Variants in COL4A2 observed in about 807,000 individuals in gnomAD.
COL4A2 encodes collagen alpha-2(IV) chain.
A neutral mutation model predicts 200.2 loss-of-function variants in COL4A2; 99 were observed. The observed-to-expected ratio is 0.49, with a 90% confidence interval of 0.42 to 0.58. The LOEUF is 0.58. Ranked by LOEUF, COL4A2 falls within the 20% of genes least tolerant of loss-of-function variation. The pLI is 0.00. For synonymous variants in COL4A2, 897 were observed against 900.6 expected, an observed-to-expected ratio of 1.00 and a Z score of 0.07; for missense variants, 1,950 against 2,314.1, an observed-to-expected ratio of 0.84 and a Z score of 3.23.
At position 110,440,091 on chromosome 13, in the gene COL4A2, T is replaced by C. The variant is rs181100758; in HGVS notation, c.957+258T>C. 7.1e-3 allele frequency among the ~76,000 whole-genome samples: 1,074 copies of C among 152,232 alleles called. 6 individuals carry two copies. Among genetic ancestry groups the C allele is most frequent in the African/African-American group, 0.022 (921 of 41,520 alleles). ...CGTCACTCGACCCCACCAGCCATGG[T>C]TTCTATATCGTCCAACCTCACACCC... On this transcript the variant is annotated intron_variant, in intron 16 of 47. Transcript: ENST00000360467.
At chr13:110,471,877 C>T (rs960971990) in intron 28 of COL4A2, among the ~76,000 whole-genome samples, 22 of 152,170 alleles carry the variant, frequency 1.4e-4, no homozygotes, top group African/African-American at 2.9e-4. Flanking sequence ...CCAGTCTCAT[C>T]GTTGCAGGCT....
chr13:110,470,861 G>T (rs1036207143), intron 28 of COL4A2, among the ~76,000 whole-genome samples: 1 of 152,188 alleles, frequency 6.6e-6, no homozygotes, highest in African/African-American at 2.4e-5. Context: ...AGCCCGTAGG[G>T]ATTGTTCCAA....
At chr13:110,360,643 T>TAATC (rs1398017670) in intron 4 of COL4A2, among the ~76,000 whole-genome samples, 1 of 152,244 alleles carries the variant, frequency 6.6e-6, no homozygotes. Context: ...ACCTTCTGGT[T>TAATC]AATCTGATTA....
intron 22 of COL4A2, among the ~76,000 whole-genome samples, chr13:110,460,784 G>C (rs963583690): frequency 2.0e-5 from 3 of 152,176 alleles, no homozygotes; most frequent in Admixed American, 2.0e-4. Context: ...CAGGGCGCTT[G>C]AAGTGTGGGA....
At chr13:110,339,555 C>A (rs1002153394) in intron 3 of COL4A2, among the ~76,000 whole-genome samples, 1 of 152,126 alleles carries the variant, frequency 6.6e-6, no homozygotes, top group Non-Finnish European at 1.5e-5. Flanking sequence ...CAGCACAGCC[C>A]CTTTCTCTAC....
chr13:110,371,995 C>A (rs77104783), intron 4 of COL4A2, among the ~76,000 whole-genome samples: 8,382 of 152,084 alleles, frequency 0.055, 323 homozygotes, highest in Non-Finnish European at 0.087. Context: ...CACATTTGCA[C>A]CCTGAGGAGC....
At chr13:110,390,552 C>G (rs1174753125) in intron 4 of COL4A2, among the ~76,000 whole-genome samples, 2 of 152,216 alleles carry the variant, frequency 1.3e-5, no homozygotes, top group Non-Finnish European at 2.9e-5. Flanking sequence ...AACTGACACC[C>G]CATTAAACCA....
intron 3 of COL4A2, among the ~76,000 whole-genome samples, chr13:110,318,371 A>G (rs1324362989): frequency 6.6e-6 from 1 of 152,170 alleles, no homozygotes; most frequent in African/African-American, 2.4e-5. Flanking sequence ...TAAATATGTC[A>G]TCTAGGATTA....
chr13:110,428,381 G>A, intron 6 of COL4A2, 86 bp from the exon 7 acceptor site: 1 of 770,012 alleles, frequency 1.3e-6, no homozygotes, highest in East Asian at 2.9e-5. Context: ...CATGGCTTAT[G>A]AGAATATAAG....
In COL4A2 at chr13:110,505,210, C is replaced by G. The variant is rs575885681; in HGVS notation, c.4402+946C>G. On this transcript the variant is annotated intron_variant, in intron 45 of 47. Coordinates refer to ENST00000360467, the MANE Select transcript of COL4A2 (RefSeq NM_001846.4). ...CTAAAAATACAAAAAATTAGCCGGG[C>G]GTGGTGGCGGGCGCCAGTAGTCCCA... 1.5e-3 allele frequency among the ~76,000 whole-genome samples: 231 copies of G among 151,960 alleles called. 1 individual carries two copies. In the Middle Eastern group the frequency reaches 0.034, roughly 23 times the overall value.
At chr13:110,391,778 C>T (rs1279229084) in intron 4 of COL4A2, among the ~76,000 whole-genome samples, 3 of 152,182 alleles carry the variant, frequency 2.0e-5, no homozygotes, top group Admixed American at 6.5e-5. Context: ...CCCAGGTGCT[C>T]GCTAAAAGGC....
rs1417517572 is a variant in COL4A2 at position 110,473,047 on chromosome 13, A to T, written c.2322A>T (p.Gly774=). The change falls in exon 29 of 48, where the codon GGA becomes GGT. Residue 774 remains glycine (G), a synonymous_variant. Coordinates refer to ENST00000360467, the MANE Select transcript of COL4A2 (RefSeq NM_001846.4). ...CCCCTGGGGAAAGGGGCCTCCCTGGAGAAGTCCTGGGAGCTCAGCCCGGGC... is the reference window on the plus strand; with the variant it reads ...CCCCTGGGGAAAGGGGCCTCCCTGGTGAAGTCCTGGGAGCTCAGCCCGGGC... ...DGPPGERGLP[G]EVLGAQPGPR... is the part of the protein sequence containing the mutation. The T allele has an allele frequency of 1.6e-5, 25 of 1,520,590 alleles. No individual in the cohort carries two copies. The Admixed American group carries it at 5.6e-4, about 34-fold the overall frequency. The allele number at this position is 1,520,590 out of a possible 1,614,324, so 94.2% of individuals were successfully genotyped here. A position where few individuals can be genotyped will look rare whatever the true frequency, so the allele number is the denominator to read the frequency against.
At chr13:110,323,213 G>T (rs1241078105) in intron 3 of COL4A2, among the ~76,000 whole-genome samples, 1 of 152,220 alleles carries the variant, frequency 6.6e-6, no homozygotes, top group African/African-American at 2.4e-5. Flanking sequence ...TCAAGGGCCT[G>T]TTGCTGCCCC....
chr13:110,326,264 C>T (rs547247151), intron 3 of COL4A2, among the ~76,000 whole-genome samples: 1 of 152,262 alleles, frequency 6.6e-6, no homozygotes, highest in African/African-American at 2.4e-5. Context: ...TTATAATCCT[C>T]CCTCAGCAAG....
At chr13:110,324,490 A>C (rs79874624) in intron 3 of COL4A2, among the ~76,000 whole-genome samples, 38,543 of 152,134 alleles carry the variant, frequency 0.25, 5,630 homozygotes, top group South Asian at 0.32. Flanking sequence ...TCTTCGCCTG[A>C]ATGCATGAGA....
chr13:110,509,311 A>C (rs1884006856), intron 47 of COL4A2, among the ~76,000 whole-genome samples: 1 of 148,058 alleles, frequency 6.8e-6, no homozygotes, highest in Non-Finnish European at 1.5e-5. Flanking sequence ...TAAAATATAA[A>C]TTACATAGTG....
intron 4 of COL4A2, among the ~76,000 whole-genome samples, chr13:110,369,123 A>G (rs943296805): frequency 1.2e-4 from 19 of 152,194 alleles, no homozygotes; most frequent in Admixed American, 1.2e-3. Context: ...AGGCAGGAGA[A>G]TCACTTGAAC....
At chr13:110,467,350 GA>G (rs1779158209) in intron 27 of COL4A2, among the ~76,000 whole-genome samples, 1 of 152,272 alleles carries the variant, frequency 6.6e-6, no homozygotes, top group Non-Finnish European at 1.5e-5. Flanking sequence ...GGCTGCAGGG[GA>G]ACGCCCCCAG....
chr13:110,384,238 C>T (rs1482876718), intron 4 of COL4A2, among the ~76,000 whole-genome samples: 1 of 152,170 alleles, frequency 6.6e-6, no homozygotes, highest in Non-Finnish European at 1.5e-5. Flanking sequence ...CAGAGAAGTA[C>T]ATGGAAGACC....
Sources: gnomAD v4.1 joint callset for allele counts (sites outside exome capture counted in the v4.1 genomes callset) on GRCh38, gnomAD v4.1.1 for gene constraint, MANE v1.5 for transcripts, NCBI Gene and HGNC (gene_info 2026-07-23, HGNC 2026-07-21) for gene names.